RNGTT: variants seen among roughly 807,000 people sequenced by gnomAD.
RNGTT encodes RNA guanylyltransferase and 5'-phosphatase.
Under a neutral mutation model 79.3 loss-of-function variants are expected in RNGTT, and 33 were observed. The ratio of observed to expected loss-of-function variants is 0.42; its 90% confidence interval spans 0.32 to 0.56. The LOEUF (loss-of-function observed/expected upper bound fraction) is 0.56, where lower values mean the gene tolerates loss of function less well. RNGTT is among the 20% of genes least tolerant of loss of function. The pLI is 0.17. For missense variants in RNGTT, 497 were observed against 739.1 expected, an observed-to-expected ratio of 0.67 and a Z score of 3.80; for synonymous variants, 222 against 235.9, an observed-to-expected ratio of 0.94 and a Z score of 0.54.
chr6:88,868,302 C>T (rs1215991597), intron 8 of RNGTT, among the ~76,000 whole-genome samples: 1 of 152,148 alleles, frequency 6.6e-6, no homozygotes, highest in African/African-American at 2.4e-5. Flanking sequence ...TGGGAGTTGA[C>T]ATCATAGTCA....
intron 14 of RNGTT, among the ~76,000 whole-genome samples, chr6:88,662,763 G>C (rs1774236671): frequency 6.6e-6 from 1 of 152,224 alleles, no homozygotes; most frequent in African/African-American, 2.4e-5. Context: ...CAAATGCCTT[G>C]CCACAGCAGT....
intron 11 of RNGTT, among the ~76,000 whole-genome samples, chr6:88,836,685 T>C (rs1042950385): frequency 4.6e-5 from 7 of 152,034 alleles, no homozygotes; most frequent in African/African-American, 1.7e-4. Context: ...AAGGCTGCAG[T>C]GAGTTGTCAT....
intron 8 of RNGTT, among the ~76,000 whole-genome samples, chr6:88,884,041 C>A (rs968696948): frequency 6.6e-6 from 1 of 152,178 alleles, no homozygotes; most frequent in Non-Finnish European, 1.5e-5. Context: ...TCACAAACTG[C>A]CTGTGGGAAT....
chr6:88,698,957 C>T (rs1380277504), intron 13 of RNGTT, among the ~76,000 whole-genome samples: 7 of 152,126 alleles, frequency 4.6e-5, no homozygotes, highest in Non-Finnish European at 7.4e-5. Flanking sequence ...TTATGTAGTA[C>T]GCATAACTCT....
chr6:88,643,756 G>T (rs1419728105), intron 14 of RNGTT, among the ~76,000 whole-genome samples: 6 of 152,192 alleles, frequency 3.9e-5, no homozygotes, highest in African/African-American at 1.4e-4. Context: ...ATGACTACTG[G>T]GTACATAACG....
At chr6:88,816,999 A>C (rs763284238) in intron 11 of RNGTT, among the ~76,000 whole-genome samples, 2 of 152,186 alleles carry the variant, frequency 1.3e-5, no homozygotes, top group Non-Finnish European at 2.9e-5. Flanking sequence ...CTCAATCCTT[A>C]AAGTCTGGCC....
chr6:88,746,619 G>C (rs2127828091), intron 13 of RNGTT, among the ~76,000 whole-genome samples: 1 of 152,206 alleles, frequency 6.6e-6, no homozygotes, highest in East Asian at 1.9e-4. Flanking sequence ...TTCACGATGG[G>C]GTTTGTGCTC....
intron 9 of RNGTT, among the ~76,000 whole-genome samples, chr6:88,851,419 T>C (rs892153052): frequency 1.3e-5 from 2 of 151,996 alleles, no homozygotes; most frequent in African/African-American, 4.8e-5. Context: ...ACAGACTTTC[T>C]AAAATTTCAA....
intron 14 of RNGTT, among the ~76,000 whole-genome samples, chr6:88,661,404 A>T (rs535155289): frequency 6.6e-6 from 1 of 152,184 alleles, no homozygotes; most frequent in Non-Finnish European, 1.5e-5. Flanking sequence ...AGGTTAAAAA[A>T]AATTGACAGA....
intron 12 of RNGTT, among the ~76,000 whole-genome samples, chr6:88,778,026 TG>T (rs1480257044): frequency 6.6e-6 from 1 of 152,232 alleles, no homozygotes; most frequent in Non-Finnish European, 1.5e-5. Flanking sequence ...CCAAATGCTT[TG>T]TATGAATCTG....
rs184168662 is a variant in RNGTT at position 88,785,233 on chromosome 6, G to A, written c.1339-15359C>T. On this transcript the variant is annotated intron_variant, in intron 12 of 15. Transcript: ENST00000369485. The stretch of plus-strand genomic sequence containing the variant: ...GGAATTCACCGCTTCTTTCATTTTT[G>A]TGAAGTCCTTATTTATATTTATTTC... 1.9e-3 allele frequency among the ~76,000 whole-genome samples: 283 copies of A among 151,952 alleles called. 4 individuals are homozygous for A. The highest frequency in any genetic ancestry group is 6.7e-3 in the African/African-American group (277 of 41,476).
chr6:88,876,326 T>G (rs1011499354), intron 8 of RNGTT, among the ~76,000 whole-genome samples: 26 of 152,162 alleles, frequency 1.7e-4, no homozygotes, highest in African/African-American at 5.8e-4. Context: ...CCCAGGAGTT[T>G]GAGACCAGCC....
At chr6:88,707,649 C>T (rs9351170) in intron 13 of RNGTT, among the ~76,000 whole-genome samples, 17,611 of 150,890 alleles carry the variant, frequency 0.12, 1,141 homozygotes, top group Middle Eastern at 0.24. Flanking sequence ...TGGGTGAATG[C>T]CACACACTAT....
chr6:88,684,938 GC>G (rs1775222166), intron 13 of RNGTT, among the ~76,000 whole-genome samples: 1 of 152,240 alleles, frequency 6.6e-6, no homozygotes, highest in African/African-American at 2.4e-5. Flanking sequence ...ACCTAAAACT[GC>G]TCTAAAAGAT....
At chr6:88,797,941 CAAAAAAAAA>C (rs143559265) in intron 12 of RNGTT, among the ~76,000 whole-genome samples, 27 of 65,812 alleles carry the variant, frequency 4.1e-4, no homozygotes, top group African/African-American at 1.5e-3. Flanking sequence ...AAGCAAAAGC[CAAAAAAAAA>C]AAAAAAAAAA....
chr6:88,613,843 T>G (rs1341712472), intron 15 of RNGTT, among the ~76,000 whole-genome samples: 1 of 152,326 alleles, frequency 6.6e-6, no homozygotes, highest in Admixed American at 6.5e-5. Context: ...TTTTAAATGG[T>G]TTTCGTTTAC....
rs576440855 is a variant in RNGTT at position 88,757,407 on chromosome 6, A to C, written c.1439+12367T>G. ...TATCAATTGTATATCTGGAGAAATC[A>C]AACCTAGTATCTAAATACAAAGGTA... On this transcript the variant is annotated intron_variant, in intron 13 of 15. Transcript: ENST00000369485. Among the ~76,000 whole-genome samples the C allele has an allele frequency of 7.2e-5, 11 of 152,358 alleles. No individual in the cohort carries two copies. In the East Asian group the frequency reaches 1.9e-3, roughly 27 times the overall value.
At chr6:88,714,346 GT>G (rs1414188504) in intron 13 of RNGTT, 1 of 152,204 alleles carries the variant, frequency 6.6e-6, no homozygotes, top group Non-Finnish European at 1.5e-5. Context: ...CTCCAACATT[GT>G]GTAAAGGGAC....
intron 8 of RNGTT, among the ~76,000 whole-genome samples, chr6:88,862,290 C>A (rs79962889): frequency 6.6e-6 from 1 of 152,066 alleles, no homozygotes; most frequent in Non-Finnish European, 1.5e-5. Context: ...GGAAGGAGAA[C>A]GGGCTGAAGA....
Sources: gnomAD v4.1 joint callset for allele counts (sites outside exome capture counted in the v4.1 genomes callset) on GRCh38, gnomAD v4.1.1 for gene constraint, MANE v1.5 for transcripts, NCBI Gene and HGNC (gene_info 2026-07-23, HGNC 2026-07-21) for gene names.